The following YARS1 variants were observed in gnomAD, a reference collection of about 807,000 sequenced individuals.
The protein encoded by YARS1 is tyrosine--tRNA ligase, cytoplasmic.
YARS1 carries 36 observed loss-of-function variants against 62.2 expected under a neutral mutation model. That is an observed-to-expected ratio of 0.58 (90% confidence interval 0.44 to 0.76). The LOEUF (loss-of-function observed/expected upper bound fraction) is 0.76, where lower values mean the gene tolerates loss of function less well. Ranked by LOEUF, YARS1 falls within the 30% of genes least tolerant of loss-of-function variation. The probability of loss-of-function intolerance (pLI) is 0.00; values close to 1 mark genes in which losing one functional copy is unlikely to be tolerated. For missense variants in YARS1, 524 were observed against 639.8 expected (o/e 0.82, Z 1.95); for synonymous variants, 234 against 244.9 (o/e 0.96, Z 0.42).
chr1:32,793,003 G>GA (rs760769059), intron 5 of YARS1, among the ~76,000 whole-genome samples: 31 of 152,026 alleles, frequency 2.0e-4, no homozygotes, highest in Non-Finnish European at 2.9e-4. Flanking sequence ...ATGGATGAAA[G>GA]AGAATTGTAA....
Position 32,779,907 on chromosome 1 carries a change from T to A in YARS1, c.1334+178A>T, listed in dbSNP as rs984066574. The stretch of plus-strand genomic sequence containing the variant: ...TTAACAAAATTAACTGTAGGTAAAA[T>A]GCTTCATTAACAGTACTTGTACGAT... On this transcript the variant is annotated intron_variant, in intron 11 of 12. Transcript: ENST00000373477. 6 of 717,146 alleles carry A rather than the reference T, an allele frequency of 8.4e-6. No homozygotes were observed. In the African/African-American group the frequency reaches 1.1e-4, roughly 13 times the overall value. 44.4% of individuals were successfully genotyped at this position (717,146 alleles called of 1,614,324 possible). A position where few individuals can be genotyped will look rare whatever the true frequency, so the allele number is the denominator to read the frequency against.
intron 5 of YARS1, among the ~76,000 whole-genome samples, chr1:32,795,002 C>CA (rs71278770): frequency 0.12 from 2,754 of 22,864 alleles, 650 homozygotes; most frequent in African/African-American, 0.13. Context: ...GACTCTGTCT[C>CA]AAAAAAAAAA....
At chr1:32,814,866 T>C (rs2148618482) in intron 1 of YARS1, among the ~76,000 whole-genome samples, 1 of 152,362 alleles carries the variant, frequency 6.6e-6, no homozygotes, top group South Asian at 2.1e-4. Context: ...TTTCCTCAAG[T>C]TACGGTTTTG....
At chr1:32,812,352 T>C (rs981835208) in intron 1 of YARS1, among the ~76,000 whole-genome samples, 1 of 152,146 alleles carries the variant, frequency 6.6e-6, no homozygotes, top group Admixed American at 6.6e-5. Context: ...GCATGAACAT[T>C]AAAACACAGA....
In YARS1 at chr1:32,786,353, T is replaced by C. The variant is rs374356460; in HGVS notation, c.906+9A>G. 35 of 1,613,522 alleles carry C rather than the reference T, an allele frequency of 2.2e-5. No homozygotes were observed. The African/African-American group carries it at 4.5e-4, about 21-fold the overall frequency. The stretch of plus-strand genomic sequence containing the variant: ...CTTCATGAAAGGATTCCTTTTCCTT[T>C]CATGTTACCTCAGCAGCAAAGTCCT... On this transcript the variant is annotated intron_variant, in intron 8 of 12. Coordinates refer to ENST00000373477, the MANE Select transcript of YARS1 (RefSeq NM_003680.4).
At chr1:32,801,942 C>CTTTTTTTTTTTTTT (rs34270752) in intron 4 of YARS1, among the ~76,000 whole-genome samples, 2 of 103,888 alleles carry the variant, frequency 1.9e-5, no homozygotes, top group Non-Finnish European at 3.8e-5. Context: ...CTTGTTATTT[C>CTTTTTTTTTTTTTT]TTTTTTTTTT....
In YARS1 at chr1:32,817,199, G is replaced by A. The variant is rs1638772305; in HGVS notation, c.46C>T (p.Arg16Trp). The change falls in exon 1 of 13, where the codon CGG becomes TGG. Residue 16 changes from arginine to tryptophan, a missense_variant. By Grantham distance (101) the Arg-to-Trp change is moderately radical. Transcript: ENST00000373477. ...CCCCCAGGCCTGACCTGCAGGTTCC[G>A]GGTGATAAGGTGCAGTTTCTCTTCA... ...SPEEKLHLIT[R>W]NLQEVLGEEK... is the part of the protein sequence containing the mutation. 6.2e-7 allele frequency: 1 copy of A among 1,614,184 alleles called. No individual in the cohort carries two copies. The highest frequency in any genetic ancestry group is 8.5e-7 in the Non-Finnish European group (1 of 1,180,010).
rs1449594613 is a variant in YARS1, at chr1:32,806,569, T to C, written c.423A>G (p.Thr141=). 2 of 1,613,990 alleles carry C rather than the reference T, an allele frequency of 1.2e-6. No individual in the cohort carries two copies. Among genetic ancestry groups the C allele is most frequent in the Non-Finnish European group, 8.5e-7 (1 of 1,180,030 alleles). ...CTCCAGCCTTCTTGGAATCGTGCTG[T>C]GTGACCACGGAGGAGAGTCTGTACA... ...LDVYRLSSVV[T]QHDSKKAGAE... The change falls in exon 4 of 13, where the codon ACA becomes ACG. Residue 141 remains threonine (T), a synonymous_variant. Transcript: ENST00000373477.
At chr1:32,780,951 GAT>G in intron 10 of YARS1, 95 bp downstream of exon 10, 1 of 1,086,580 alleles carries the variant, frequency 9.2e-7, no homozygotes, top group Non-Finnish European at 1.4e-6. Flanking sequence ...ATGACCTCAG[GAT>G]GTTACTTCCC....
chr1:32,794,626 G>GTGATCT (rs1219518892), intron 5 of YARS1, among the ~76,000 whole-genome samples: 2 of 152,078 alleles, frequency 1.3e-5, no homozygotes, highest in East Asian at 3.9e-4. Flanking sequence ...CTGACCTCAG[G>GTGATCT]TGATCTGCCT....
intron 5 of YARS1, among the ~76,000 whole-genome samples, chr1:32,795,236 G>A (rs1018508705): frequency 1.4e-5 from 2 of 144,508 alleles, no homozygotes; most frequent in African/African-American, 2.6e-5. Flanking sequence ...GGAGAATGGC[G>A]TGAACCCGGG....
intron 1 of YARS1, 161 bp from the exon 2 acceptor site, chr1:32,811,218 T>C: frequency 1.8e-6 from 2 of 1,089,302 alleles, no homozygotes; most frequent in South Asian, 1.3e-5. Flanking sequence ...TACCCTACCT[T>C]GTTTTAATCT....
chr1:32,810,896 A>G lies in YARS1; in HGVS notation c.204+15T>C, dbSNP rs745412562. On this transcript the variant is annotated intron_variant, in intron 2 of 12. Coordinates refer to ENST00000373477, the MANE Select transcript of YARS1 (RefSeq NM_003680.4). ...CTTGGGTCATTCCCCAAGGGCTTAT[A>G]GCATTAGTTCTTACCTCACACCCTG... is the stretch of plus-strand genomic sequence containing the variant. 6.2e-7 allele frequency: 1 copy of G among 1,614,084 alleles called. No homozygotes were observed. The highest frequency in any genetic ancestry group is 1.1e-5 in the South Asian group (1 of 91,082).
At chr1:32,797,932 G>T (rs531811248) in intron 4 of YARS1, 89 bp from the exon 5 acceptor site, 3 of 1,146,624 alleles carry the variant, frequency 2.6e-6, no homozygotes, top group Admixed American at 1.9e-5. Flanking sequence ...GTGCTGTGGC[G>T]TGATCTCGGC....
chr1:32,795,268 G>A (rs569060509), intron 5 of YARS1, among the ~76,000 whole-genome samples: 7 of 150,786 alleles, frequency 4.6e-5, no homozygotes, highest in East Asian at 4.0e-4. Context: ...GCAGTGAGCC[G>A]AGATGGCGCT....
At chr1:32,797,357 G>A (rs1458882693) in intron 5 of YARS1, among the ~76,000 whole-genome samples, 1 of 152,044 alleles carries the variant, frequency 6.6e-6, no homozygotes, top group African/African-American at 2.4e-5. Context: ...GGGCGACAGA[G>A]TGAGAACTTG....
intron 5 of YARS1, among the ~76,000 whole-genome samples, chr1:32,794,985 A>G (rs1215445466): frequency 1.6e-5 from 2 of 123,904 alleles, no homozygotes; most frequent in East Asian, 2.5e-4. Flanking sequence ...GCCTGGTGAC[A>G]GAGCAAGACT....
At position 32,784,008 on chromosome 1, in the gene YARS1, C is replaced by CAT. The variant is rs1553123010; in HGVS notation, c.907-1470_907-1469insAT. ...ATCTATTCCTAATTCCCACAAAAGA[C>CAT]TTTTTTTTTTTTTTTGAGACATGGT... On this transcript the variant is annotated intron_variant, in intron 8 of 12. Transcript: ENST00000373477. Among the ~76,000 whole-genome samples the CAT allele has an allele frequency of 4.5e-3, 633 of 142,098 alleles. 5 individuals are homozygous for CAT. Among genetic ancestry groups the CAT allele is most frequent in the Non-Finnish European group, 7.9e-3 (515 of 65,054 alleles). 93.2% of individuals were successfully genotyped at this position (142,098 alleles called of 152,430 possible).
chr1:32,797,819 C>T lies in YARS1; in HGVS notation c.535G>A (p.Val179Ile), dbSNP rs777673072. The T allele has an allele frequency of 6.2e-7, 1 of 1,614,164 alleles. No individual in the cohort carries two copies. Among genetic ancestry groups the T allele is most frequent in the Non-Finnish European group, 8.5e-7 (1 of 1,180,006 alleles). Residue 179 changes from valine (V) to isoleucine (I), a missense_variant, in exon 5 of 13, where the codon GTA (valine) becomes ATA (isoleucine). Val to Ile is a conservative substitution (Grantham distance 29). Coordinates refer to ENST00000373477, the MANE Select transcript of YARS1 (RefSeq NM_003680.4). ...TCAATGCCTCCAAATTGGGCATCTA[C>T]TTTTAAATACTCTTCATCCAAAGCC... ...LQALDEEYLK[V>I]DAQFGGIDQR... is the part of the protein sequence containing the mutation.
Sources: allele counts gnomAD v4.1 joint callset (sites outside exome capture counted in the v4.1 genomes callset), GRCh38; gene constraint gnomAD v4.1.1; transcripts MANE v1.5; gene names NCBI Gene and HGNC (gene_info 2026-07-23, HGNC 2026-07-21).